The following PTPRT variants were observed in gnomAD, a reference collection of about 807,000 sequenced individuals.
The protein encoded by PTPRT is receptor-type tyrosine-protein phosphatase T.
PTPRT carries 56 observed loss-of-function variants against 176.8 expected under a neutral mutation model. The observed-to-expected ratio is 0.32, with a 90% CI of 0.26 to 0.40. The LOEUF (loss-of-function observed/expected upper bound fraction) is 0.40. PTPRT is among the 10% of genes least tolerant of loss of function. The probability of loss-of-function intolerance (pLI) is 1.00; values close to 1 mark genes in which losing one functional copy is unlikely to be tolerated. For synonymous variants in PTPRT, 783 were observed against 739.0 expected (o/e 1.06, Z -0.96); for missense variants, 1,540 against 1,908.2 (o/e 0.81, Z 3.60).
chr20:42,456,599 A>C (rs150138473), intron 8 of PTPRT, among the ~76,000 whole-genome samples: 2 of 152,144 alleles, frequency 1.3e-5, no homozygotes, highest in Middle Eastern at 6.8e-3. Flanking sequence ...TTCTGTATCT[A>C]CTGTAGTGAT....
At chr20:42,323,784 A>T (rs935522731) in intron 11 of PTPRT, among the ~76,000 whole-genome samples, 6 of 151,846 alleles carry the variant, frequency 4.0e-5, no homozygotes, top group South Asian at 4.2e-4. Flanking sequence ...AAATAAAAAT[A>T]AAAAAAAGAA....
At chr20:42,583,119 A>G (rs982709983) in intron 7 of PTPRT, among the ~76,000 whole-genome samples, 2 of 152,228 alleles carry the variant, frequency 1.3e-5, no homozygotes, top group African/African-American at 4.8e-5. Flanking sequence ...AAATCAATGA[A>G]TGATGAGAAT....
chr20:42,515,804 C>T (rs893378021), intron 7 of PTPRT, among the ~76,000 whole-genome samples: 8 of 151,506 alleles, frequency 5.3e-5, no homozygotes, highest in East Asian at 1.9e-4. Flanking sequence ...CACATGCACA[C>T]GTATGTTTAT....
intron 15 of PTPRT, among the ~76,000 whole-genome samples, chr20:42,208,963 A>C (rs1478425690): frequency 6.6e-6 from 1 of 152,250 alleles, no homozygotes; most frequent in African/African-American, 2.4e-5. Flanking sequence ...ACCACAGTGC[A>C]ATCAAACTAG....
intron 7 of PTPRT, among the ~76,000 whole-genome samples, chr20:42,624,441 A>C (rs909863): frequency 0.21 from 32,086 of 152,176 alleles, 4,623 homozygotes; most frequent in African/African-American, 0.41. Flanking sequence ...ATTAACATTG[A>C]AAGTAGCCCA....
intron 27 of PTPRT, among the ~76,000 whole-genome samples, chr20:42,090,047 G>A (rs146185422): frequency 6.6e-6 from 1 of 152,218 alleles, no homozygotes; most frequent in African/African-American, 2.4e-5. Context: ...GATTCAAATC[G>A]TGGCTCTATC....
At chr20:42,693,245 G>C (rs904286509) in intron 6 of PTPRT, among the ~76,000 whole-genome samples, 1 of 152,138 alleles carries the variant, frequency 6.6e-6, no homozygotes, top group African/African-American at 2.4e-5. Context: ...GATATTCCAT[G>C]CTCATGAATT....
At chr20:42,682,625 G>A (rs2075622338) in intron 6 of PTPRT, among the ~76,000 whole-genome samples, 1 of 152,186 alleles carries the variant, frequency 6.6e-6, no homozygotes, top group Non-Finnish European at 1.5e-5. Context: ...AGGAAGTCTT[G>A]CCTTCATGGA....
intron 9 of PTPRT, among the ~76,000 whole-genome samples, chr20:42,447,033 C>T (rs1292162126): frequency 6.6e-6 from 1 of 152,164 alleles, no homozygotes; most frequent in African/African-American, 2.4e-5. Context: ...CCACCTGTGA[C>T]TCTCTAGAGA....
chr20:43,140,982 C>A (rs974260692), intron 1 of PTPRT, among the ~76,000 whole-genome samples: 1 of 152,138 alleles, frequency 6.6e-6, no homozygotes, highest in Non-Finnish European at 1.5e-5. Context: ...AGACTCTCTC[C>A]AAACTTAGAA....
chr20:42,773,193 G>C (rs2077088086), intron 4 of PTPRT, among the ~76,000 whole-genome samples: 1 of 152,180 alleles, frequency 6.6e-6, no homozygotes, highest in African/African-American at 2.4e-5. Context: ...CCCTTTCCAT[G>C]CTATTTTTCC....
intron 9 of PTPRT, among the ~76,000 whole-genome samples, chr20:42,417,948 C>T (rs2059081394): frequency 6.6e-6 from 1 of 151,964 alleles, no homozygotes; most frequent in Admixed American, 6.6e-5. Flanking sequence ...ATATGTTTCC[C>T]AGGCTGCTCG....
At chr20:42,918,828 C>T (rs1490650634) in intron 1 of PTPRT, among the ~76,000 whole-genome samples, 2 of 152,094 alleles carry the variant, frequency 1.3e-5, no homozygotes, top group Non-Finnish European at 2.9e-5. Flanking sequence ...TGTGTGTGTT[C>T]TGTCAGATCT....
At chr20:42,841,249 T>C (rs928213203) in intron 2 of PTPRT, among the ~76,000 whole-genome samples, 3 of 152,166 alleles carry the variant, frequency 2.0e-5, no homozygotes, top group African/African-American at 4.8e-5. Context: ...TCCTTTAAAA[T>C]CTGCATTTGT....
At chr20:42,888,535 G>A (rs1600522621) in intron 1 of PTPRT, among the ~76,000 whole-genome samples, 1 of 152,156 alleles carries the variant, frequency 6.6e-6, no homozygotes, top group African/African-American at 2.4e-5. Flanking sequence ...ACCTGCTCAG[G>A]CAACATGGAA....
At chr20:42,977,069 G>T (rs1036557771) in intron 1 of PTPRT, among the ~76,000 whole-genome samples, 18 of 152,130 alleles carry the variant, frequency 1.2e-4, no homozygotes, top group African/African-American at 4.3e-4. Context: ...GGAAAATGTA[G>T]CAAGTGGTTC....
chr20:42,309,479 TGATG>T (rs1407773148), intron 12 of PTPRT, among the ~76,000 whole-genome samples: 1 of 152,140 alleles, frequency 6.6e-6, no homozygotes, highest in Non-Finnish European at 1.5e-5. Flanking sequence ...CTTACTACTA[TGATG>T]GAGAAAAAAG....
At chr20:42,281,349 C>G (rs1053477762) in intron 13 of PTPRT, among the ~76,000 whole-genome samples, 2 of 152,152 alleles carry the variant, frequency 1.3e-5, no homozygotes, top group African/African-American at 4.8e-5. Context: ...ATCATGGTGA[C>G]TTCTTATCAC....
chr20:42,580,194 G>A (rs1178601626), intron 7 of PTPRT, among the ~76,000 whole-genome samples: 1 of 152,162 alleles, frequency 6.6e-6, no homozygotes, highest in Non-Finnish European at 1.5e-5. Flanking sequence ...TCTCAGGTTT[G>A]TCAAAGATCA....
Sources: gnomAD v4.1 joint callset for allele counts (sites outside exome capture counted in the v4.1 genomes callset) on GRCh38, gnomAD v4.1.1 for gene constraint, MANE v1.5 for transcripts, NCBI Gene and HGNC (gene_info 2026-07-23, HGNC 2026-07-21) for gene names.